ZFAT: variants seen among roughly 807,000 people sequenced by gnomAD.
ZFAT encodes zinc finger protein ZFAT.
A neutral mutation model predicts 117.7 loss-of-function variants in ZFAT; 64 were observed. The ratio of observed to expected loss-of-function variants is 0.54; its 90% CI spans 0.44 to 0.67. ZFAT has a LOEUF of 0.67. ZFAT is among the 30% of genes least tolerant of loss of function. ZFAT has a pLI of 0.00. For synonymous variants in ZFAT, 679 were observed against 615.0 expected, an observed-to-expected ratio of 1.10 and a Z score of -1.54; for missense variants, 1,433 against 1,584.5, an observed-to-expected ratio of 0.90 and a Z score of 1.62.
intron 8 of ZFAT, among the ~76,000 whole-genome samples, chr8:134,588,740 CA>C (rs1826242881): frequency 1.3e-5 from 2 of 152,128 alleles, no homozygotes; most frequent in African/African-American, 4.8e-5. Context: ...GAAACAGAAA[CA>C]TAATGAACTA....
At chr8:134,658,426 A>G (rs1479243715) in intron 1 of ZFAT, among the ~76,000 whole-genome samples, 2 of 152,130 alleles carry the variant, frequency 1.3e-5, no homozygotes, top group Admixed American at 1.3e-4. Flanking sequence ...CAGTCTTGCT[A>G]GATTCTCTCA....
intron 12 of ZFAT, among the ~76,000 whole-genome samples, chr8:134,526,601 T>C (rs929248496): frequency 1.3e-5 from 2 of 152,238 alleles, no homozygotes; most frequent in African/African-American, 4.8e-5. Flanking sequence ...TGGAATGCAA[T>C]ATATTCTGGA....
intron 1 of ZFAT, among the ~76,000 whole-genome samples, chr8:134,676,679 T>A (rs1270812821): frequency 2.6e-5 from 4 of 152,184 alleles, no homozygotes; most frequent in Non-Finnish European, 4.4e-5. Context: ...ATTCTAAAAT[T>A]GACCACATAA....
intron 1 of ZFAT, among the ~76,000 whole-genome samples, chr8:134,680,338 G>A (rs557215483): frequency 6.6e-6 from 1 of 151,748 alleles, no homozygotes; most frequent in Non-Finnish European, 1.5e-5. Flanking sequence ...CTGGATGATA[G>A]TTTGGCTAGA....
At chr8:134,599,138 A>G (rs182899825) in intron 7 of ZFAT, 3 of 152,388 alleles carry the variant, frequency 2.0e-5, no homozygotes, top group Admixed American at 1.3e-4. Context: ...ATGAAGAATT[A>G]CAAACAACAT....
intron 15 of ZFAT, among the ~76,000 whole-genome samples, chr8:134,494,411 G>A (rs4431557): frequency 0.16 from 23,938 of 152,088 alleles, 2,121 homozygotes; most frequent in Admixed American, 0.26. Flanking sequence ...GGATCGATCC[G>A]CTGCCCTTTA....
chr8:134,719,037 G>A, the ZFAT span, among the ~76,000 whole-genome samples: 6 of 152,166 alleles, frequency 3.9e-5, no homozygotes, highest in Admixed American at 6.5e-5. Flanking sequence ...TTGTGAACAC[G>A]GTTGTACCTG....
At chr8:134,613,070 T>C (rs1250177452) in intron 3 of ZFAT, among the ~76,000 whole-genome samples, 1 of 152,198 alleles carries the variant, frequency 6.6e-6, no homozygotes, top group East Asian at 1.9e-4. Flanking sequence ...GCAGAATATA[T>C]TGGATGCTAT....
At chr8:134,795,274 T>C in the ZFAT span, 1 of 152,142 alleles carries the variant, frequency 6.6e-6, no homozygotes, top group Admixed American at 6.5e-5. Context: ...ATGAGATGGT[T>C]GGAGCTTTCA....
the ZFAT span, among the ~76,000 whole-genome samples, chr8:134,732,667 C>A: frequency 6.6e-6 from 1 of 152,150 alleles, no homozygotes; most frequent in Non-Finnish European, 1.5e-5. Flanking sequence ...AAATTAGGAG[C>A]GTTTCAGAAA....
chr8:134,535,710 C>A (rs184773254), intron 11 of ZFAT, among the ~76,000 whole-genome samples: 387 of 152,014 alleles, frequency 2.5e-3, no homozygotes, highest in African/African-American at 8.8e-3. Flanking sequence ...GGACCTGGAA[C>A]AAAGGCAAAA....
At chr8:134,488,062 T>A (rs1817777478) in intron 15 of ZFAT, among the ~76,000 whole-genome samples, 1 of 152,168 alleles carries the variant, frequency 6.6e-6, no homozygotes. Flanking sequence ...AGAGAGCGAA[T>A]GAATGCAGCA....
At chr8:134,532,688 GACA>G in intron 12 of ZFAT, 143 bp downstream of exon 12, 2 of 1,130,256 alleles carry the variant, frequency 1.8e-6, no homozygotes, top group East Asian at 2.6e-5. Context: ...GGACGATGAT[GACA>G]ACAATTAGGA....
chr8:134,731,405 A>G, the ZFAT span, among the ~76,000 whole-genome samples: 2 of 152,264 alleles, frequency 1.3e-5, no homozygotes, highest in Admixed American at 6.5e-5. Context: ...ATGGAATATT[A>G]TACAGAAATC....
chr8:134,683,095 T>C (rs1290321802), intron 1 of ZFAT, among the ~76,000 whole-genome samples: 1 of 152,228 alleles, frequency 6.6e-6, no homozygotes, highest in African/African-American at 2.4e-5. Flanking sequence ...TTGCAGCCAT[T>C]TGTAGAAAAC....
At chr8:134,758,787 A>G in the ZFAT span, among the ~76,000 whole-genome samples, 1 of 152,254 alleles carries the variant, frequency 6.6e-6, no homozygotes. Context: ...TGTTCCATCA[A>G]GGATTCCTTT....
chr8:134,590,192 T>C, intron 8 of ZFAT, 76 bp downstream of exon 8: 1 of 1,144,228 alleles, frequency 8.7e-7, no homozygotes, highest in Non-Finnish European at 1.3e-6. Flanking sequence ...ATAGTGCAGT[T>C]AATGTAAAAC....
intron 2 of ZFAT, among the ~76,000 whole-genome samples, chr8:134,657,195 CTCA>C (rs1231220678): frequency 6.6e-6 from 1 of 152,168 alleles, no homozygotes; most frequent in Non-Finnish European, 1.5e-5. Flanking sequence ...CAGCATATTT[CTCA>C]TCATTTGTCC....
At chr8:134,665,850 C>T (rs1233276131) in intron 1 of ZFAT, among the ~76,000 whole-genome samples, 2 of 152,196 alleles carry the variant, frequency 1.3e-5, no homozygotes, top group Non-Finnish European at 2.9e-5. Flanking sequence ...CCTCCATACC[C>T]CTCTGCCTCC....
Sources: gnomAD v4.1 joint callset for allele counts (sites outside exome capture counted in the v4.1 genomes callset) on GRCh38, gnomAD v4.1.1 for gene constraint, MANE v1.5 for transcripts, NCBI Gene and HGNC (gene_info 2026-07-23, HGNC 2026-07-21) for gene names.